Variants in GABRG3 observed in about 807,000 individuals in gnomAD.
The protein encoded by GABRG3 is gamma-aminobutyric acid receptor subunit gamma-3.
GABRG3 carries 25 observed loss-of-function variants against 48.8 expected under a neutral mutation model. The ratio of observed to expected loss-of-function variants is 0.51; its 90% CI spans 0.37 to 0.72. The LOEUF (loss-of-function observed/expected upper bound fraction) is 0.72. Ranked by LOEUF, GABRG3 falls within the 30% of genes least tolerant of loss-of-function variation. The probability of loss-of-function intolerance (pLI) is 0.00; values close to 1 mark genes in which losing one functional copy is unlikely to be tolerated. For synonymous variants in GABRG3, 227 were observed against 217.6 expected (o/e 1.04, Z -0.38); for missense variants, 394 against 577.9 (o/e 0.68, Z 3.26).
chr15:27,016,706 C>T (rs1207844784), intron 2 of GABRG3, among the ~76,000 whole-genome samples: 1 of 152,030 alleles, frequency 6.6e-6, no homozygotes, highest in Non-Finnish European at 1.5e-5. Flanking sequence ...CCCTTTCTTC[C>T]TTTTAAATTC....
At chr15:27,102,373 C>CTTAG (rs1207046927) in intron 3 of GABRG3, among the ~76,000 whole-genome samples, 2 of 152,166 alleles carry the variant, frequency 1.3e-5, no homozygotes, top group Non-Finnish European at 2.9e-5. Context: ...TCGAACTGAG[C>CTTAG]TCTAAAAACT....
intron 3 of GABRG3, among the ~76,000 whole-genome samples, chr15:27,203,098 G>A (rs1021857872): frequency 5.9e-5 from 9 of 151,982 alleles, no homozygotes; most frequent in Non-Finnish European, 1.3e-4. Flanking sequence ...TTTTTTACAT[G>A]GGTAAATTGC....
chr15:27,417,360 C>T (rs1482423411), intron 5 of GABRG3, among the ~76,000 whole-genome samples: 1 of 152,108 alleles, frequency 6.6e-6, no homozygotes, highest in Non-Finnish European at 1.5e-5. Flanking sequence ...CAGTATCTGG[C>T]CTATGTATTT....
intron 5 of GABRG3, among the ~76,000 whole-genome samples, chr15:27,372,927 C>T (rs1471349446): frequency 6.6e-6 from 1 of 152,182 alleles, no homozygotes; most frequent in Non-Finnish European, 1.5e-5. Context: ...TTCTTCTCAG[C>T]TACATTGCTT....
chr15:27,191,253 A>C (rs199781989), intron 3 of GABRG3, among the ~76,000 whole-genome samples: 1 of 152,108 alleles, frequency 6.6e-6, no homozygotes, highest in African/African-American at 2.4e-5. Context: ...CTTGGTGCAG[A>C]GCTGAGTTGA....
At chr15:27,020,212 G>T (rs1895862839) in intron 2 of GABRG3, among the ~76,000 whole-genome samples, 1 of 152,146 alleles carries the variant, frequency 6.6e-6, no homozygotes, top group Non-Finnish European at 1.5e-5. Context: ...CCATGGGCAT[G>T]TCCCCTCACT....
At chr15:27,499,218 T>C (rs900856485) in intron 6 of GABRG3, among the ~76,000 whole-genome samples, 1 of 152,216 alleles carries the variant, frequency 6.6e-6, no homozygotes, top group African/African-American at 2.4e-5. Flanking sequence ...TCTAGGATAT[T>C]GAAAACTCAG....
chr15:27,141,783 C>T (rs1011136874), intron 3 of GABRG3, among the ~76,000 whole-genome samples: 1 of 152,162 alleles, frequency 6.6e-6, no homozygotes, highest in Non-Finnish European at 1.5e-5. Context: ...GACTGAAAAC[C>T]TAGCAATAGG....
intron 3 of GABRG3, among the ~76,000 whole-genome samples, chr15:27,313,216 GTA>G (rs1310607749): frequency 4.3e-5 from 4 of 92,678 alleles, no homozygotes; most frequent in African/African-American, 7.8e-5. Context: ...ATATGTATAT[GTA>G]TATATATACG....
chr15:27,255,317 A>C (rs890115592), intron 3 of GABRG3, among the ~76,000 whole-genome samples: 4 of 152,206 alleles, frequency 2.6e-5, no homozygotes, highest in African/African-American at 9.6e-5. Context: ...CCAAACACCA[A>C]GGGTGGTACA....
At chr15:27,052,778 A>G (rs891393233) in intron 3 of GABRG3, among the ~76,000 whole-genome samples, 2 of 152,248 alleles carry the variant, frequency 1.3e-5, no homozygotes, top group African/African-American at 2.4e-5. Context: ...GCAAGACTAC[A>G]TTAACCAAAA....
chr15:27,468,832 A>G (rs1889695096), intron 5 of GABRG3, among the ~76,000 whole-genome samples: 1 of 152,226 alleles, frequency 6.6e-6, no homozygotes, highest in Non-Finnish European at 1.5e-5. Context: ...AAAAAAAATC[A>G]TATGCTGTGG....
At chr15:27,063,737 G>C (rs939306156) in intron 3 of GABRG3, among the ~76,000 whole-genome samples, 2 of 152,318 alleles carry the variant, frequency 1.3e-5, no homozygotes, top group East Asian at 3.9e-4. Context: ...CTCAGGCCAG[G>C]TGGGGTTGCC....
chr15:27,168,144 A>G (rs1402198583), intron 3 of GABRG3, among the ~76,000 whole-genome samples: 1 of 152,094 alleles, frequency 6.6e-6, no homozygotes, highest in African/African-American at 2.4e-5. Flanking sequence ...GTTAAAAAAA[A>G]AAAAAGGGAA....
intron 5 of GABRG3, among the ~76,000 whole-genome samples, chr15:27,408,543 G>T (rs1887704986): frequency 2.0e-5 from 3 of 152,112 alleles, no homozygotes; most frequent in Admixed American, 2.0e-4. Context: ...AATGAACATT[G>T]ACACAAGCAA....
chr15:27,123,072 G>A (rs11633019), intron 3 of GABRG3, among the ~76,000 whole-genome samples: 38,721 of 152,028 alleles, frequency 0.25, 6,107 homozygotes, highest in Middle Eastern at 0.36. Flanking sequence ...TCTAAGAAGC[G>A]TATTACCCTC....
intron 3 of GABRG3, among the ~76,000 whole-genome samples, chr15:27,321,422 A>G (rs958188951): frequency 1.3e-5 from 2 of 152,238 alleles, no homozygotes; most frequent in Non-Finnish European, 2.9e-5. Flanking sequence ...CGTCAAAGCC[A>G]TGTTTCCCAG....
chr15:27,138,226 T>C (rs1566944888), intron 3 of GABRG3, among the ~76,000 whole-genome samples: 1 of 152,204 alleles, frequency 6.6e-6, no homozygotes. Flanking sequence ...ACAAACAATT[T>C]GTCTTCTTAT....
chr15:27,181,937 A>T (rs1887944717), intron 3 of GABRG3, among the ~76,000 whole-genome samples: 1 of 151,382 alleles, frequency 6.6e-6, no homozygotes, highest in African/African-American at 2.4e-5. Flanking sequence ...ACTGTAACAT[A>T]GCATTTCTAC....
Sources: allele counts gnomAD v4.1 joint callset (sites outside exome capture counted in the v4.1 genomes callset), GRCh38; gene constraint gnomAD v4.1.1; transcripts MANE v1.5; gene names NCBI Gene and HGNC (gene_info 2026-07-23, HGNC 2026-07-21).